RALA: variants seen among roughly 807,000 people sequenced by gnomAD.
RALA encodes the protein RAS like proto-oncogene A, also known as ras-related protein Ral-A.
A neutral mutation model predicts 24.0 loss-of-function variants in RALA; 5 were observed. The ratio of observed to expected loss-of-function variants is 0.21; its 90% CI spans 0.11 to 0.44. The LOEUF is 0.44. Among genes scored for constraint, RALA ranks in the 20% least tolerant of loss-of-function variants. The pLI is 0.99. For synonymous variants in RALA, 77 were observed against 83.8 expected (o/e 0.92, Z 0.44); for missense variants, 95 against 241.2 (o/e 0.39, Z 4.01).
At chr7:39,656,500 T>C (rs1792099369) in intron 1 of RALA, among the ~76,000 whole-genome samples, 1 of 152,218 alleles carries the variant, frequency 6.6e-6, no homozygotes, top group African/African-American at 2.4e-5. Flanking sequence ...AGGTAATTTA[T>C]GAGCTGCAGC....
At chr7:39,624,311 T>TG (rs1554294426) in intron 1 of RALA, 1 of 20,918 alleles carries the variant, frequency 4.8e-5, no homozygotes, top group South Asian at 1.7e-3. Flanking sequence ...TTTGTTTGTG[T>TG]TTTTTTTTTT....
chr7:39,696,487 G>A (rs1792923760), intron 3 of RALA, among the ~76,000 whole-genome samples, 198 bp from the exon 4 acceptor site: 1 of 152,188 alleles, frequency 6.6e-6, no homozygotes, highest in African/African-American at 2.4e-5. Context: ...GAAAAAGGAT[G>A]TCAGGCAAAA....
At chr7:39,644,413 G>T (rs1413822944) in intron 1 of RALA, among the ~76,000 whole-genome samples, 1 of 151,984 alleles carries the variant, frequency 6.6e-6, no homozygotes, top group Admixed American at 6.6e-5. Context: ...GCACATCCTG[G>T]TCCACTTTCC....
intron 1 of RALA, among the ~76,000 whole-genome samples, chr7:39,631,159 C>A (rs575526320): frequency 5.3e-5 from 8 of 152,140 alleles, no homozygotes; most frequent in Admixed American, 5.2e-4. Flanking sequence ...AGGCGTGTGC[C>A]ACCATGCCCA....
At chr7:39,673,579 A>G (rs906456980) in intron 1 of RALA, among the ~76,000 whole-genome samples, 2 of 152,172 alleles carry the variant, frequency 1.3e-5, no homozygotes. Flanking sequence ...ATTTAATTGT[A>G]TATGTTATAT....
At chr7:39,673,346 A>G (rs181778545) in intron 1 of RALA, among the ~76,000 whole-genome samples, 104 of 152,166 alleles carry the variant, frequency 6.8e-4, no homozygotes, top group Non-Finnish European at 1.5e-5. Context: ...GTCTTTTTTT[A>G]CTGTCAGAGT....
intron 1 of RALA, among the ~76,000 whole-genome samples, chr7:39,675,543 G>A (rs1792469454): frequency 6.6e-6 from 1 of 152,034 alleles, no homozygotes; most frequent in African/African-American, 2.4e-5. Context: ...ACCAGCCTGG[G>A]CAACACAGAC....
chr7:39,665,820 G>C (rs1792278699), intron 1 of RALA, among the ~76,000 whole-genome samples: 1 of 151,944 alleles, frequency 6.6e-6, no homozygotes, highest in Non-Finnish European at 1.5e-5. Context: ...TGGTGATAAA[G>C]TTTAGTTGGC....
chr7:39,654,297 T>C (rs73387334), intron 1 of RALA, among the ~76,000 whole-genome samples: 4,185 of 152,288 alleles, frequency 0.027, 213 homozygotes, highest in African/African-American at 0.095. Flanking sequence ...AATAAGAAGG[T>C]ATTTGAATTT....
chr7:39,691,778 G>A (rs575816113), intron 3 of RALA, among the ~76,000 whole-genome samples: 129 of 152,312 alleles, frequency 8.5e-4, no homozygotes, highest in Non-Finnish European at 1.4e-3. Context: ...ATGATGACAT[G>A]CAAGGGATGG....
At chr7:39,671,338 A>G (rs1189376745) in intron 1 of RALA, among the ~76,000 whole-genome samples, 1 of 152,154 alleles carries the variant, frequency 6.6e-6, no homozygotes, top group Non-Finnish European at 1.5e-5. Context: ...TTGTCTTTCA[A>G]GTCTCAGCCA....
intron 1 of RALA, among the ~76,000 whole-genome samples, chr7:39,662,358 T>C (rs1792207116): frequency 6.6e-6 from 1 of 152,114 alleles, no homozygotes; most frequent in South Asian, 2.1e-4. Flanking sequence ...CCTCAGAAAA[T>C]TGGCTTTTTT....
At chr7:39,674,745 C>A (rs1792449466) in intron 1 of RALA, among the ~76,000 whole-genome samples, 1 of 151,510 alleles carries the variant, frequency 6.6e-6, no homozygotes, top group Non-Finnish European at 1.5e-5. Flanking sequence ...GGGATGGGAC[C>A]CAAGTCTAAA....
chr7:39,655,449 T>C (rs900362403), intron 1 of RALA, among the ~76,000 whole-genome samples: 17 of 152,206 alleles, frequency 1.1e-4, no homozygotes, highest in African/African-American at 4.1e-4. Context: ...GGGATTACAG[T>C]TGAACAGGCT....
At chr7:39,668,811 A>G (rs1380597263) in intron 1 of RALA, among the ~76,000 whole-genome samples, 1 of 151,502 alleles carries the variant, frequency 6.6e-6, no homozygotes, top group African/African-American at 2.4e-5. Context: ...AAAAAAAAAA[A>G]AAGAAAAGAA....
At chr7:39,665,177 T>C (rs562488620) in intron 1 of RALA, among the ~76,000 whole-genome samples, 1 of 152,268 alleles carries the variant, frequency 6.6e-6, no homozygotes, top group African/African-American at 2.4e-5. Flanking sequence ...TTTCCTCTGC[T>C]ACCCCTGAGA....
intron 4 of RALA, 39 bp from the exon 5 acceptor site, chr7:39,706,084 A>G (rs1160629548): frequency 1.3e-6 from 2 of 1,545,860 alleles, no homozygotes; most frequent in Admixed American, 1.9e-5. Flanking sequence ...AAGTTCATGT[A>G]TCTGTTTGCT....
chr7:39,629,786 G>A (rs1791559409), intron 1 of RALA, among the ~76,000 whole-genome samples: 1 of 152,102 alleles, frequency 6.6e-6, no homozygotes, highest in Admixed American at 6.5e-5. Flanking sequence ...TAGTAGAGAT[G>A]GGGTTTCACC....
chr7:39,667,481 T>G (rs1052664397), intron 1 of RALA, among the ~76,000 whole-genome samples: 1 of 152,332 alleles, frequency 6.6e-6, no homozygotes, highest in African/African-American at 2.4e-5. Context: ...TGGTGCTGAT[T>G]GATGAAGCAG....
Sources: gnomAD v4.1 joint callset for allele counts (sites outside exome capture counted in the v4.1 genomes callset) on GRCh38, gnomAD v4.1.1 for gene constraint, MANE v1.5 for transcripts, NCBI Gene and HGNC (gene_info 2026-07-23, HGNC 2026-07-21) for gene names.